Variants in ADGRG5 observed in about 807,000 individuals in gnomAD.
The protein encoded by ADGRG5 is adhesion G protein-coupled receptor G5, also known as G protein-coupled receptor 114.
In ADGRG5, 37 loss-of-function variants were observed where a neutral mutation model predicts 53.2. That is an observed-to-expected ratio of 0.70 (90% CI 0.53 to 0.91). The LOEUF is 0.91. Among genes scored for constraint, ADGRG5 ranks in the 40% least tolerant of loss-of-function variants. The pLI is 0.00. For missense variants in ADGRG5, 614 were observed against 675.8 expected, an observed-to-expected ratio of 0.91 and a Z score of 1.01; for synonymous variants, 277 against 290.4, an observed-to-expected ratio of 0.95 and a Z score of 0.47.
the ADGRG5 span, chr16:57,529,120 G>A: frequency 1.7e-6 from 2 of 1,184,342 alleles, no homozygotes; most frequent in Non-Finnish European, 2.1e-6. The surrounding 1 kb of genome is among the most constrained non-coding windows in gnomAD (Gnocchi z 4.1). Context: ...ATGGTCAGGA[G>A]GCTGCCCTTG....
chr16:57,551,586 T>A (rs1008950591), intron 1 of ADGRG5, among the ~76,000 whole-genome samples: 6 of 152,218 alleles, frequency 3.9e-5, no homozygotes, highest in African/African-American at 1.4e-4. Flanking sequence ...ATCTTCAGGA[T>A]CCACTACTAA....
chr16:57,568,056 T>C lies in ADGRG5; in HGVS notation c.1022T>C (p.Leu341Pro), dbSNP rs757334830. 1.2e-6 allele frequency: 2 copies of C among 1,613,942 alleles called. No homozygotes were observed. The highest frequency in any genetic ancestry group is 3.3e-5 in the Admixed American group (2 of 60,006). ...WMAIEGFNLY[L>P]LLGRVYNIYI... ...GCCATCGAGGGCTTCAACCTCTACC[T>C]CCTCCTCGGGCGTGTCTACAACATC... The change falls in exon 9 of 12, where the codon CTC becomes CCC. Residue 341 changes from leucine to proline, a missense_variant. By Grantham distance (98) the Leu-to-Pro change is moderately conservative (BLOSUM62 -3). Coordinates refer to ENST00000349457, the MANE Select transcript of ADGRG5 (RefSeq NM_001304376.3).
At chr16:57,540,143 TGAGGCAG>T (rs1338966118), upstream of ADGRG5, among the ~76,000 whole-genome samples, 1 of 152,054 alleles carries the variant, frequency 6.6e-6, no homozygotes, top group Non-Finnish European at 1.5e-5. Flanking sequence ...CTTGGGAGGC[TGAGGCAG>T]GAGAATAGCT....
the ADGRG5 span, among the ~76,000 whole-genome samples, chr16:57,529,947 G>A: frequency 6.6e-6 from 1 of 152,194 alleles, no homozygotes; most frequent in Admixed American, 6.5e-5. The surrounding 1 kb of genome is among the most constrained non-coding windows in gnomAD (Gnocchi z 4.1). Context: ...CCACAAGCCA[G>A]GCACTGTGCC....
rs1220229353 is a variant in ADGRG5, at chr16:57,569,587, GCCT to G, written c.1091-825_1091-823del. Among the ~76,000 whole-genome samples, 8 of 78,126 alleles carry G rather than the reference GCCT, an allele frequency of 1.0e-4. No individual in the cohort carries two copies. In the South Asian group the frequency reaches 1.5e-3, roughly 14 times the overall value. 51.3% of individuals were successfully genotyped at this position (78,126 alleles called of 152,430 possible). A position where few individuals can be genotyped will look rare whatever the true frequency, so the allele number is the denominator to read the frequency against. On this transcript the variant is annotated intron_variant, in intron 9 of 11. Coordinates refer to ENST00000349457, the MANE Select transcript of ADGRG5 (RefSeq NM_001304376.3). The stretch of plus-strand genomic sequence containing the variant: ...CTCCTCTACCTCCATCATCACCATC[GCCT>G]CCTCCATCTCCTCCACCTCTATCAT...
At chr16:57,543,407 T>C (rs1385239136) in intron 1 of ADGRG5, among the ~76,000 whole-genome samples, 2 of 149,310 alleles carry the variant, frequency 1.3e-5, no homozygotes, top group Non-Finnish European at 3.0e-5. Context: ...CTTAGCCTCC[T>C]GAGTAGCTGG....
chr16:57,533,612 C>T, the ADGRG5 span, among the ~76,000 whole-genome samples: 1 of 149,884 alleles, frequency 6.7e-6, no homozygotes, highest in African/African-American at 2.5e-5. Context: ...CCCCAGGGAC[C>T]CGCACTCACA....
chr16:57,576,784 C>G lies in ADGRG5; in HGVS notation c.*1246C>G, dbSNP rs542194850. 14 of 152,358 alleles carry G rather than the reference C, an allele frequency of 9.2e-5. No homozygotes were observed. In the East Asian group the frequency reaches 2.7e-3, roughly 29 times the overall value. The allele number at this position is 152,358 out of a possible 1,614,324, so 9.4% of individuals were successfully genotyped here. ...CACTTTCGCTCTTGGGGGCTGCACC[C>G]CAGACATAGCTGGCACCAGAGCAGG... On this transcript the variant is annotated 3_prime_UTR_variant, in exon 12 of 12. Transcript: ENST00000349457.
rs572522408 is a variant in ADGRG5, at chr16:57,569,153, C to T, written c.1090+1029C>T. On this transcript the variant is annotated intron_variant, in intron 9 of 11. Transcript: ENST00000349457. ...ATGATCACCTCCTCCACCTCCATCA[C>T]CACCTCCTCCACCTTCATCACCATC... 3.2e-4 allele frequency among the ~76,000 whole-genome samples: 48 copies of T among 149,538 alleles called. No individual in the cohort carries two copies. The East Asian group carries it at 9.8e-3, about 30-fold the overall frequency.
chr16:57,532,698 GACACACAC>G, the ADGRG5 span, among the ~76,000 whole-genome samples: 11,039 of 148,212 alleles, frequency 0.074, 475 homozygotes, highest in East Asian at 0.14. Flanking sequence ...AAGTGAAGCA[GACACACAC>G]ACACACACAC....
At chr16:57,533,270 C>T in the ADGRG5 span, among the ~76,000 whole-genome samples, 3 of 151,880 alleles carry the variant, frequency 2.0e-5, no homozygotes, top group East Asian at 3.9e-4. Flanking sequence ...TCCCCTGGAG[C>T]GGGTGTGTGG....
the ADGRG5 span, among the ~76,000 whole-genome samples, chr16:57,531,256 GCTCCTCCGAGAGAAGGCACTTCCTCA>G: frequency 4.0e-3 from 600 of 151,790 alleles, 3 homozygotes; most frequent in South Asian, 0.027. Context: ...CCTCCTGGGT[GCTCCTCCGAGAGAAGGCACTTCCTCA>G]CTCCTTCCAG....
chr16:57,559,744 TAAA>T (rs77775175), intron 1 of ADGRG5, among the ~76,000 whole-genome samples: 1 of 142,422 alleles, frequency 7.0e-6, no homozygotes. Flanking sequence ...TCCAGTAGGC[TAAA>T]AAAAAAAAAG....
intron 1 of ADGRG5, among the ~76,000 whole-genome samples, chr16:57,554,502 G>A (rs1011005462): frequency 1.6e-4 from 25 of 151,552 alleles, no homozygotes; most frequent in African/African-American, 5.6e-4. Context: ...TCAGCCTCCC[G>A]AATAGCTGGG....
rs372492324 is a variant in ADGRG5 at position 57,575,387 on chromosome 16, C to G, written c.1487-51C>G. The G allele has an allele frequency of 4.5e-5, 69 of 1,543,298 alleles. No homozygotes were observed. The African/African-American group carries it at 8.2e-4, about 18-fold the overall frequency. ...CTCGCTGCAGCCAAGGAGACCCTGG[C>G]CTTTGGGGAAGCCCATGCTGCCCCG... is the stretch of plus-strand genomic sequence containing the variant. On this transcript the variant is annotated intron_variant, in intron 11 of 11. Coordinates refer to ENST00000349457, the MANE Select transcript of ADGRG5 (RefSeq NM_001304376.3).
chr16:57,533,788 A>G, the ADGRG5 span, among the ~76,000 whole-genome samples: 1 of 152,168 alleles, frequency 6.6e-6, no homozygotes, highest in African/African-American at 2.4e-5. Flanking sequence ...GCACACACTC[A>G]CTGAGGGGCA....
chr16:57,574,830 C>T lies in ADGRG5; in HGVS notation c.1224C>T (p.Ser408=), dbSNP rs1312789399. Reference sequence around the variant, plus strand: ...TCCCCTGCAGATGCTGGGTGCGGAGCCCCGTGGTGCACAGTGTCCTGGTCA... The same window carrying T: ...TCCCCTGCAGATGCTGGGTGCGGAGTCCCGTGGTGCACAGTGTCCTGGTCA... ...FQNMSICWVR[S]PVVHSVLVMG... is the part of the protein sequence containing the mutation. Residue 408 remains serine, a synonymous_variant, in exon 11 of 12, where the codon AGC becomes AGT. Transcript: ENST00000349457. The surrounding 1 kb of genome is among the most constrained non-coding windows in gnomAD (Gnocchi z 4.4). The T allele has an allele frequency of 1.9e-6, 3 of 1,586,744 alleles. No homozygotes were observed. The highest frequency in any genetic ancestry group is 2.6e-6 in the Non-Finnish European group (3 of 1,163,666).
At chr16:57,569,434 ACT>A (rs2033270014) in intron 9 of ADGRG5, among the ~76,000 whole-genome samples, 1 of 147,322 alleles carries the variant, frequency 6.8e-6, no homozygotes, top group Non-Finnish European at 1.5e-5. Context: ...CACCTCCTCC[ACT>A]TCCGTCATCA....
chr16:57,530,742 T>C, the ADGRG5 span, among the ~76,000 whole-genome samples: 22 of 152,152 alleles, frequency 1.4e-4, no homozygotes, highest in African/African-American at 5.3e-4. Context: ...TCCAGGGGTC[T>C]TACCCCTGCT....
Sources: allele counts gnomAD v4.1 joint callset (sites outside exome capture counted in the v4.1 genomes callset), GRCh38; gene constraint gnomAD v4.1.1; non-coding constraint Gnocchi (gnomAD v3.1); transcripts MANE v1.5; gene names NCBI Gene and HGNC (gene_info 2026-07-23, HGNC 2026-07-21).